The following AIM2 variants were observed in gnomAD, a reference collection of about 807,000 sequenced individuals.
AIM2 encodes the protein interferon-inducible protein AIM2.
AIM2 carries 30 observed loss-of-function variants against 27.7 expected under a neutral mutation model. The observed-to-expected ratio is 1.08, with a 90% CI of 0.81 to 1.47. AIM2 has a LOEUF of 1.47. AIM2 is among the 40% of genes most tolerant of loss of function. The probability of loss-of-function intolerance (pLI) is 0.00; values close to 1 mark genes in which losing one functional copy is unlikely to be tolerated. For synonymous variants in AIM2, 141 were observed against 145.3 expected (o/e 0.97, Z 0.21); for missense variants, 358 against 411.3 (o/e 0.87, Z 1.12).
At chr1:159,107,598 T>A (rs1418512777) in intron 1 of AIM2, among the ~76,000 whole-genome samples, 1 of 151,606 alleles carries the variant, frequency 6.6e-6, no homozygotes, top group African/African-American at 2.4e-5. Context: ...CAAAAAAATA[T>A]GAAATATAAA....
intron 1 of AIM2, among the ~76,000 whole-genome samples, chr1:159,084,282 C>T (rs915780981): frequency 1.3e-5 from 2 of 152,092 alleles, no homozygotes; most frequent in African/African-American, 4.8e-5. Context: ...CCTGGAGAGG[C>T]AGGGCCTTCC....
intron 4 of AIM2, 63 bp from the exon 5 acceptor site, chr1:159,063,737 AC>A: frequency 6.8e-7 from 1 of 1,480,054 alleles, no homozygotes; most frequent in South Asian, 1.2e-5. Context: ...CATCAGTCAC[AC>A]ATCAGACATG....
At chr1:159,079,057 C>T (rs855874), upstream of AIM2, among the ~76,000 whole-genome samples, 122,560 of 151,854 alleles carry the variant, frequency 0.81, 52,546 homozygotes, top group South Asian at 0.96. Context: ...AGTAAACAGA[C>T]ATAAATAACA....
chr1:159,109,992 A>G (rs947473991), intron 1 of AIM2, among the ~76,000 whole-genome samples: 2 of 152,254 alleles, frequency 1.3e-5, no homozygotes, highest in African/African-American at 4.8e-5. Flanking sequence ...TATGGAAAAC[A>G]GCATGGAGAT....
intron 1 of AIM2, among the ~76,000 whole-genome samples, chr1:159,104,032 C>G (rs1657374368): frequency 6.6e-6 from 1 of 151,870 alleles, no homozygotes; most frequent in Non-Finnish European, 1.5e-5. Context: ...AAAACCTACA[C>G]TTTTTTTATT....
At chr1:159,103,848 C>T (rs1471072841) in intron 1 of AIM2, among the ~76,000 whole-genome samples, 1 of 152,004 alleles carries the variant, frequency 6.6e-6, no homozygotes, top group Non-Finnish European at 1.5e-5. Context: ...CTTTTCTCTC[C>T]CAAATTCACC....
upstream of AIM2, among the ~76,000 whole-genome samples, chr1:159,144,187 C>G (rs1461283864): frequency 6.6e-6 from 1 of 152,158 alleles, no homozygotes; most frequent in African/African-American, 2.4e-5. Flanking sequence ...ATTCTCAACT[C>G]TATTGACTGG....
intron 1 of AIM2, among the ~76,000 whole-genome samples, chr1:159,134,338 A>G (rs1647973637): frequency 6.6e-6 from 1 of 152,244 alleles, no homozygotes; most frequent in South Asian, 2.1e-4. Flanking sequence ...TCTGAGCAGC[A>G]GCTGGAGTAA....
intron 1 of AIM2, among the ~76,000 whole-genome samples, chr1:159,103,142 T>C (rs1386218387): frequency 6.6e-6 from 1 of 152,146 alleles, no homozygotes; most frequent in African/African-American, 2.4e-5. Flanking sequence ...AGTGAGTGAG[T>C]TCTCATGAGA....
downstream of AIM2, among the ~76,000 whole-genome samples, chr1:159,059,153 C>G (rs1432131233): frequency 1.3e-5 from 2 of 152,180 alleles, no homozygotes; most frequent in Non-Finnish European, 2.9e-5. Flanking sequence ...TAAAAACGTA[C>G]TGTTTTACAC....
chr1:159,059,250 TACAC>T (rs60746494), downstream of AIM2, among the ~76,000 whole-genome samples: 21 of 151,626 alleles, frequency 1.4e-4, no homozygotes, highest in East Asian at 2.1e-3. Flanking sequence ...GCTATTCTTA[TACAC>T]ACACACACAC....
At chr1:159,078,864 A>G (rs1007511879), upstream of AIM2, among the ~76,000 whole-genome samples, 1 of 152,216 alleles carries the variant, frequency 6.6e-6, no homozygotes, top group African/African-American at 2.4e-5. Context: ...TACTGTAGCA[A>G]CTGGCCCAAG....
At chr1:159,090,406 T>C (rs979559500) in intron 1 of AIM2, among the ~76,000 whole-genome samples, 4 of 152,190 alleles carry the variant, frequency 2.6e-5, no homozygotes, top group Non-Finnish European at 4.4e-5. Context: ...AATGTAAAAA[T>C]AATACATGAA....
At chr1:159,084,124 A>C (rs1018900517) in intron 1 of AIM2, among the ~76,000 whole-genome samples, 2 of 152,220 alleles carry the variant, frequency 1.3e-5, no homozygotes, top group African/African-American at 4.8e-5. Context: ...TCATTTGCTC[A>C]AGGGTACCCT....
upstream of AIM2, among the ~76,000 whole-genome samples, chr1:159,077,561 T>C (rs1476706142): frequency 2.0e-5 from 3 of 152,354 alleles, no homozygotes; most frequent in East Asian, 5.8e-4. Flanking sequence ...AAGTTTGCAA[T>C]CTGTCTTCAT....
intron 1 of AIM2, among the ~76,000 whole-genome samples, chr1:159,107,336 G>GCA (rs994715106): frequency 6.7e-6 from 1 of 149,290 alleles, no homozygotes; most frequent in African/African-American, 2.4e-5. Context: ...GTGTGTGCGC[G>GCA]CACTATAGCA....
rs369303950 is a variant in AIM2, at chr1:159,083,170, T to C, written c.-15-16841A>G. ...ACTATTAGTTTTATTTAGATAGTTA[T>C]GGTAATGTAAAACACCAAACAGTGA... On this transcript the variant is annotated intron_variant, in intron 1 of 2. Coordinates refer to the AIM2 transcript ENST00000368129. Among the ~76,000 whole-genome samples, 36 of 152,316 alleles carry C rather than the reference T, an allele frequency of 2.4e-4. No homozygotes were observed. The South Asian group carries it at 5.6e-3, about 24-fold the overall frequency.
intron 1 of AIM2, among the ~76,000 whole-genome samples, chr1:159,115,933 T>C (rs557068386): frequency 1.3e-3 from 205 of 152,168 alleles, no homozygotes; most frequent in African/African-American, 4.7e-3. Flanking sequence ...AATCTACTCA[T>C]CTGACAAAGG....
chr1:159,070,433 T>C (rs1311124587), intron 2 of AIM2, among the ~76,000 whole-genome samples: 2 of 152,196 alleles, frequency 1.3e-5, no homozygotes, highest in Non-Finnish European at 2.9e-5. Flanking sequence ...TCCACGTCTA[T>C]GGTCAGGTTA....
Sources: gnomAD v4.1 joint callset for allele counts (sites outside exome capture counted in the v4.1 genomes callset) on GRCh38, gnomAD v4.1.1 for gene constraint, MANE v1.5 for transcripts, NCBI Gene and HGNC (gene_info 2026-07-23, HGNC 2026-07-21) for gene names.